LCLAT1: variants seen among roughly 807,000 people sequenced by gnomAD.
LCLAT1 encodes 1-AGP acyltransferase 8.
Under a neutral mutation model 30.7 loss-of-function variants are expected in LCLAT1, and 11 were observed. That is an observed-to-expected ratio of 0.36 (90% CI 0.23 to 0.59). The LOEUF is 0.59. LCLAT1 is among the 20% of genes least tolerant of loss of function. LCLAT1 has a pLI of 0.77. For synonymous variants in LCLAT1, 155 were observed against 151.3 expected (o/e 1.02, Z -0.18); for missense variants, 402 against 458.6 (o/e 0.88, Z 1.13).
At chr2:30,512,932 G>A (rs778991729) in intron 1 of LCLAT1, among the ~76,000 whole-genome samples, 58 of 152,146 alleles carry the variant, frequency 3.8e-4, no homozygotes, top group Admixed American at 9.8e-4. Context: ...ATATTTCTGC[G>A]TGATAGAGTT....
intron 3 of LCLAT1, among the ~76,000 whole-genome samples, chr2:30,558,092 A>ATAG (rs1665017240): frequency 1.3e-5 from 2 of 152,206 alleles, no homozygotes; most frequent in South Asian, 4.1e-4. Flanking sequence ...GGATAGGCAG[A>ATAG]GATTCCTTAA....
At chr2:30,633,426 C>T (rs1317781754) in intron 5 of LCLAT1, among the ~76,000 whole-genome samples, 3 of 152,112 alleles carry the variant, frequency 2.0e-5, no homozygotes, top group Admixed American at 6.5e-5. Context: ...CAGTGGCTCA[C>T]GCCTGTAATC....
intron 5 of LCLAT1, among the ~76,000 whole-genome samples, chr2:30,621,665 G>A (rs1261484877): frequency 6.6e-6 from 1 of 152,122 alleles, no homozygotes; most frequent in Non-Finnish European, 1.5e-5. Context: ...CTTGTGAGAT[G>A]GATTTGACCT....
chr2:30,601,866 GATATCTATCTATAGATATAT>G (rs1026377873), intron 5 of LCLAT1, among the ~76,000 whole-genome samples: 24 of 136,356 alleles, frequency 1.8e-4, no homozygotes, highest in Non-Finnish European at 3.5e-4. Context: ...GGATCCTATA[GATATCTATCTATAGATATAT>G]ATATCTATAG....
chr2:30,527,969 T>C (rs1685800502), intron 2 of LCLAT1, among the ~76,000 whole-genome samples: 1 of 152,178 alleles, frequency 6.6e-6, no homozygotes, highest in Non-Finnish European at 1.5e-5. Context: ...CCTGATGTCA[T>C]CAAAGGGTTC....
At chr2:30,623,229 A>AT (rs1041912707) in intron 5 of LCLAT1, among the ~76,000 whole-genome samples, 1 of 151,312 alleles carries the variant, frequency 6.6e-6, no homozygotes, top group African/African-American at 2.4e-5. Flanking sequence ...AATTTTTTGT[A>AT]TTTTTTAGTA....
intron 3 of LCLAT1, among the ~76,000 whole-genome samples, chr2:30,550,335 G>A (rs1664625634): frequency 6.6e-6 from 1 of 152,300 alleles, no homozygotes; most frequent in Admixed American, 6.5e-5. Flanking sequence ...ACTTTATTCA[G>A]ACTTCACCAA....
chr2:30,533,413 C>G, intron 3 of LCLAT1, 99 bp downstream of exon 3: 2 of 942,096 alleles, frequency 2.1e-6, no homozygotes, highest in Non-Finnish European at 3.4e-6. Context: ...CCATTTTTTT[C>G]CTCACTGGGC....
intron 1 of LCLAT1, chr2:30,459,746 T>A (rs1483055851): frequency 4.6e-6 from 7 of 1,521,904 alleles, no homozygotes; most frequent in Non-Finnish European, 6.4e-6. Context: ...ATGATTTAGA[T>A]GCTTGAGGTT....
At chr2:30,478,938 C>T (rs1245109756) in intron 1 of LCLAT1, among the ~76,000 whole-genome samples, 1 of 152,108 alleles carries the variant, frequency 6.6e-6, no homozygotes, top group East Asian at 1.9e-4. Flanking sequence ...TTGGGTTGCC[C>T]AATTGCTGTG....
At position 30,610,189 on chromosome 2, in the gene LCLAT1, A is replaced by ATT. The variant is rs937962653; in HGVS notation, c.629-29918_629-29917dup. Reference sequence around the variant, plus strand: ...TTTTCGTTCCTTCTTTAGTAATTGCATTTTTTTTTTTAGGTTTCCTTAATA... The same window carrying ATT: ...TTTTCGTTCCTTCTTTAGTAATTGCATTTTTTTTTTTTTAGGTTTCCTTAATA... On this transcript the variant is annotated intron_variant, in intron 5 of 5. Transcript: ENST00000379509. 2.5e-3 allele frequency among the ~76,000 whole-genome samples: 372 copies of ATT among 146,606 alleles called. 2 individuals carry two copies. The highest frequency in any genetic ancestry group is 9.0e-3 in the African/African-American group (362 of 40,356).
chr2:30,547,434 G>A (rs770329636), intron 3 of LCLAT1, among the ~76,000 whole-genome samples: 1 of 152,166 alleles, frequency 6.6e-6, no homozygotes, highest in Non-Finnish European at 1.5e-5. Context: ...GTGAACCACT[G>A]TGATGCACAC....
chr2:30,482,750 G>C (rs1683380696), intron 1 of LCLAT1, among the ~76,000 whole-genome samples: 1 of 151,476 alleles, frequency 6.6e-6, no homozygotes, highest in African/African-American at 2.4e-5. Context: ...GAGCAGCCTG[G>C]TCAACATTGT....
At chr2:30,497,270 A>AT (rs1558476858) in intron 1 of LCLAT1, among the ~76,000 whole-genome samples, 1 of 152,184 alleles carries the variant, frequency 6.6e-6, no homozygotes, top group African/African-American at 2.4e-5. Flanking sequence ...GAGAAGTGCC[A>AT]TCCCCAATAA....
At chr2:30,532,177 C>G (rs1686012374) in intron 2 of LCLAT1, among the ~76,000 whole-genome samples, 1 of 151,954 alleles carries the variant, frequency 6.6e-6, no homozygotes, top group Non-Finnish European at 1.5e-5. Context: ...GTGTATCTTT[C>G]ATGTTGCTGT....
chr2:30,488,999 T>A (rs956173006), intron 1 of LCLAT1, among the ~76,000 whole-genome samples: 2 of 152,234 alleles, frequency 1.3e-5, no homozygotes, highest in Non-Finnish European at 2.9e-5. Context: ...TAATCACTTT[T>A]TGGCCCAGGA....
chr2:30,537,521 T>TACAC (rs58394759), intron 3 of LCLAT1, among the ~76,000 whole-genome samples: 19,990 of 149,108 alleles, frequency 0.13, 1,568 homozygotes, highest in African/African-American at 0.22. Flanking sequence ...CAATTGTAAA[T>TACAC]ACACACACAC....
chr2:30,506,490 A>C (rs1429472364), intron 1 of LCLAT1, among the ~76,000 whole-genome samples: 1 of 152,152 alleles, frequency 6.6e-6, no homozygotes, highest in Non-Finnish European at 1.5e-5. Flanking sequence ...TCCTAAAGGA[A>C]TTTAAAGTTT....
intron 1 of LCLAT1, among the ~76,000 whole-genome samples, chr2:30,512,881 C>A (rs1207845823): frequency 6.6e-6 from 1 of 152,116 alleles, no homozygotes; most frequent in South Asian, 2.1e-4. Context: ...ATTATACTTA[C>A]ATGAACAATG....
Sources: allele counts gnomAD v4.1 joint callset (sites outside exome capture counted in the v4.1 genomes callset), GRCh38; gene constraint gnomAD v4.1.1; transcripts MANE v1.5; gene names NCBI Gene and HGNC (gene_info 2026-07-23, HGNC 2026-07-21).